LRRK1: variants seen among roughly 807,000 people sequenced by gnomAD.
The protein encoded by LRRK1 is leucine-rich repeat serine/threonine-protein kinase 1.
A neutral mutation model predicts 209.1 loss-of-function variants in LRRK1; 113 were observed. The observed-to-expected ratio is 0.54, with a 90% CI of 0.46 to 0.63. LRRK1 has a LOEUF of 0.63. Ranked by LOEUF, LRRK1 falls within the 30% of genes least tolerant of loss-of-function variation. LRRK1 has a pLI of 0.00. For synonymous variants in LRRK1, 1,144 were observed against 1,099.7 expected, an observed-to-expected ratio of 1.04 and a Z score of -0.80; for missense variants, 2,284 against 2,632.2, an observed-to-expected ratio of 0.87 and a Z score of 2.89.
intron 33 of LRRK1, chr15:101,067,489 C>T (rs949967309): frequency 6.4e-6 from 2 of 310,128 alleles, no homozygotes; most frequent in Non-Finnish European, 1.3e-5. Context: ...CCATTTCACA[C>T]TAGGCCTGTT....
chr15:101,027,498 T>A lies in LRRK1; in HGVS notation c.2526+117T>A. 6.6e-7 allele frequency: 1 copy of A among 1,512,632 alleles called. No homozygotes were observed. Among genetic ancestry groups the A allele is most frequent in the Non-Finnish European group, 8.9e-7 (1 of 1,123,010 alleles). The allele number at this position is 1,512,632 out of a possible 1,614,324, so 93.7% of individuals were successfully genotyped here. ...CTGTGTGGCAAGGCTCGGTGGTTCC[T>A]GGTGAGGGAGGGTCAGGATGGAAGA... On this transcript the variant is annotated intron_variant, in intron 18 of 33. Transcript: ENST00000388948. The surrounding 1 kb of genome is among the most constrained non-coding windows in gnomAD (Gnocchi z 5.1).
Position 101,078,245 on chromosome 15 carries a change from T to TAA in LRRK1, c.*9397_*9398insAA, listed in dbSNP as rs1441167850. ...CACCCAGGTGAAATAAACAGCTTTA[T>TAA]TGCTCACACAAAGCCTGTTTGGTGG... On this transcript the variant is annotated 3_prime_UTR_variant, in exon 34 of 34. Coordinates refer to ENST00000388948, the MANE Select transcript of LRRK1 (RefSeq NM_024652.6). 1.3e-5 allele frequency: 2 copies of TAA among 152,296 alleles called. No homozygotes were observed. Among genetic ancestry groups the TAA allele is most frequent in the Non-Finnish European group, 2.9e-5 (2 of 68,090 alleles). 9.4% of individuals were successfully genotyped at this position (152,296 alleles called of 1,614,324 possible).
chr15:100,965,819 A>G (rs2030415604), intron 2 of LRRK1, among the ~76,000 whole-genome samples: 1 of 152,182 alleles, frequency 6.6e-6, no homozygotes, highest in Non-Finnish European at 1.5e-5. Context: ...AAATTTGGAA[A>G]TTTTCATCAC....
chr15:101,032,853 C>G (rs561441755), intron 20 of LRRK1, among the ~76,000 whole-genome samples: 1 of 152,308 alleles, frequency 6.6e-6, no homozygotes, highest in South Asian at 2.1e-4. Flanking sequence ...ATATATATGC[C>G]TATCCTTATG....
chr15:101,013,221 G>A (rs773982098), intron 10 of LRRK1, among the ~76,000 whole-genome samples: 9 of 152,224 alleles, frequency 5.9e-5, no homozygotes, highest in Non-Finnish European at 1.3e-4. Context: ...TAGAATTTCA[G>A]CAGGAGGGGG....
At chr15:101,012,652 C>G (rs985599860) in intron 10 of LRRK1, among the ~76,000 whole-genome samples, 321 of 6,096 alleles carry the variant, frequency 0.053, 2 homozygotes, top group Non-Finnish European at 0.34. Flanking sequence ...GCCCAGGCCA[C>G]CCTGCACAGG....
Position 101,027,212 on chromosome 15 carries a change from T to G in LRRK1, c.2406-49T>G. The G allele has an allele frequency of 6.2e-7, 1 of 1,604,136 alleles. No individual in the cohort carries two copies. ...CAGGGAAACAGAGAAGCAGCAGCGC[T>G]TCCTCGGAGTGGGGCATGATGAGTA... On this transcript the variant is annotated intron_variant, in intron 17 of 33. Coordinates refer to ENST00000388948, the MANE Select transcript of LRRK1 (RefSeq NM_024652.6). The surrounding 1 kb of genome is among the most constrained non-coding windows in gnomAD (Gnocchi z 5.1).
At chr15:101,066,558 C>A in intron 32 of LRRK1, 82 bp from the exon 33 acceptor site, 1 of 1,284,174 alleles carries the variant, frequency 7.8e-7, no homozygotes, top group Non-Finnish European at 1.1e-6. Context: ...CTCCCTCCCG[C>A]ACCTTTCTGC....
rs11323145 is a variant in LRRK1, at chr15:101,022,816, CTT to C, written c.2067+230_2067+231del. Among the ~76,000 whole-genome samples, 3 of 146,852 alleles carry C rather than the reference CTT, an allele frequency of 2.0e-5. No homozygotes were observed. Among genetic ancestry groups the C allele is most frequent in the Admixed American group, 1.4e-4 (2 of 14,676 alleles). On this transcript the variant is annotated intron_variant, in intron 15 of 33. Transcript: ENST00000388948. The surrounding 1 kb of genome is among the most constrained non-coding windows in gnomAD (Gnocchi z 4.0). ...TGATGTTTTCTTTTTCTTTACTTTT[CTT>C]TTTTTTTTTTCTTGAGACAGGGTTT...
Position 101,017,462 on chromosome 15 carries a change from C to T in LRRK1, c.1609+2060C>T, listed in dbSNP as rs182214604. The stretch of plus-strand genomic sequence containing the variant: ...GGAGTCCCCAGCGCCCCCCAGGAAG[C>T]GAACCGGTATTGGTCCCTGGCCTGC... On this transcript the variant is annotated intron_variant, in intron 12 of 33. Transcript: ENST00000388948. Among the ~76,000 whole-genome samples the T allele has an allele frequency of 1.1e-4, 16 of 152,290 alleles. No individual in the cohort carries two copies. The East Asian group carries it at 2.1e-3, about 20-fold the overall frequency.
In LRRK1 at chr15:100,924,688, A is replaced by C. The variant is rs1357600166; in HGVS notation, c.56A>C (p.Glu19Ala). 3.7e-6 allele frequency: 6 copies of C among 1,614,052 alleles called. No individual in the cohort carries two copies. The highest frequency in any genetic ancestry group is 1.3e-5 in the African/African-American group (1 of 74,918). The change falls in exon 2 of 34, where the codon GAG becomes GCG. Residue 19 changes from glutamate to alanine, a missense_variant. By Grantham distance (107) the Glu-to-Ala change is moderately radical. Around this residue, in one of 6 missense-constraint regions of LRRK1, gnomAD observed 174 missense variants for 133.5 expected, o/e 1.30. Coordinates refer to ENST00000388948, the MANE Select transcript of LRRK1 (RefSeq NM_024652.6). ...ATGTACTGGTGTGTGGGGCCGGAGGAGTCAGCTGTGTGTCCAGAACGTGCC... is the reference window on the plus strand; with the variant it reads ...ATGTACTGGTGTGTGGGGCCGGAGGCGTCAGCTGTGTGTCCAGAACGTGCC... ...PSMYWCVGPE[E>A]SAVCPERAME...
In LRRK1 at chr15:101,022,712, G is replaced by A; in HGVS notation, c.2067+115G>A. The A allele has an allele frequency of 4.2e-6, 3 of 712,824 alleles. No individual in the cohort carries two copies. The South Asian group carries it at 5.6e-5, about 13-fold the overall frequency. 44.2% of individuals were successfully genotyped at this position (712,824 alleles called of 1,614,324 possible). The stretch of plus-strand genomic sequence containing the variant: ...TCTCAGCCTGGTGTCCAAAGCTCAG[G>A]CCCTTTGCAGGAGCCACTGTGTACC... On this transcript the variant is annotated intron_variant, in intron 15 of 33. Coordinates refer to ENST00000388948, the MANE Select transcript of LRRK1 (RefSeq NM_024652.6). The surrounding 1 kb of genome is among the most constrained non-coding windows in gnomAD (Gnocchi z 4.0).
intron 26 of LRRK1, 109 bp from the exon 27 acceptor site, chr15:101,054,837 A>G (rs2035699844): frequency 2.0e-6 from 2 of 1,001,416 alleles, no homozygotes; most frequent in Admixed American, 5.3e-5. Flanking sequence ...AAAAAAAATC[A>G]TAAAGTATCT....
intron 20 of LRRK1, among the ~76,000 whole-genome samples, chr15:101,041,762 G>A (rs1340443358): frequency 2.6e-5 from 4 of 152,150 alleles, no homozygotes; most frequent in Admixed American, 2.0e-4. Flanking sequence ...CTAAAACTGC[G>A]ATAGTATTGA....
chr15:101,051,582 T>C (rs1427124809), intron 23 of LRRK1, 129 bp from the exon 24 acceptor site: 2 of 1,221,736 alleles, frequency 1.6e-6, no homozygotes, highest in African/African-American at 1.5e-5. Context: ...AGCCTGTCTC[T>C]TGGGTACAGG....
At chr15:101,021,360 G>A (rs754138647) in intron 13 of LRRK1, among the ~76,000 whole-genome samples, 178 bp downstream of exon 13, 15 of 152,248 alleles carry the variant, frequency 9.9e-5, no homozygotes, top group South Asian at 4.2e-4. Context: ...AGAGGAAGAC[G>A]GAGTAGCAAT....
At chr15:101,025,061 A>AC in intron 16 of LRRK1, 94 bp downstream of exon 16, 1 of 1,294,044 alleles carries the variant, frequency 7.7e-7, no homozygotes, top group East Asian at 2.4e-5. Context: ...TGAGAAAAAA[A>AC]GGGGGTTATG....
chr15:100,975,239 T>C (rs1026207583), intron 3 of LRRK1, among the ~76,000 whole-genome samples: 2 of 152,214 alleles, frequency 1.3e-5, no homozygotes, highest in Non-Finnish European at 2.9e-5. Flanking sequence ...CAGCCTGGCA[T>C]CCCTGCCAAG....
intron 32 of LRRK1, 34 bp downstream of exon 32, chr15:101,066,239 C>T: frequency 2.5e-6 from 4 of 1,569,500 alleles, no homozygotes; most frequent in East Asian, 4.5e-5. Flanking sequence ...CCATCCAGGG[C>T]ACGCCCACTG....
Sources: allele counts gnomAD v4.1 joint callset (sites outside exome capture counted in the v4.1 genomes callset), GRCh38; gene constraint gnomAD v4.1.1; regional missense constraint gnomAD v4.1.1; non-coding constraint Gnocchi (gnomAD v3.1); transcripts MANE v1.5; gene names NCBI Gene and HGNC (gene_info 2026-07-23, HGNC 2026-07-21).